The following NRXN3 variants were observed in gnomAD, a reference collection of about 807,000 sequenced individuals.
NRXN3 encodes the protein neurexin 3, also known as neurexin III.
NRXN3 carries 32 observed loss-of-function variants against 137.6 expected under a neutral mutation model. The ratio of observed to expected loss-of-function variants is 0.23; its 90% CI spans 0.18 to 0.31. NRXN3 has a LOEUF of 0.31. Ranked by LOEUF, NRXN3 falls within the 10% of genes least tolerant of loss-of-function variation. NRXN3 has a pLI of 1.00. For missense variants in NRXN3, 1,574 were observed against 2,062.5 expected, an observed-to-expected ratio of 0.76 and a Z score of 4.59; for synonymous variants, 798 against 784.5, an observed-to-expected ratio of 1.02 and a Z score of -0.29.
intron 15 of NRXN3, among the ~76,000 whole-genome samples, chr14:79,385,207 CCCCG>C (rs1327370468): frequency 1.0e-5 from 1 of 95,824 alleles, no homozygotes; most frequent in Non-Finnish European, 2.5e-5. Flanking sequence ...CTATCCTTCC[CCCCG>C]CCCCCACCCC....
intron 2 of NRXN3, among the ~76,000 whole-genome samples, chr14:78,274,012 G>A (rs2073196508): frequency 6.6e-6 from 1 of 152,228 alleles, no homozygotes; most frequent in South Asian, 2.1e-4. Context: ...GCTCCCCAGA[G>A]CTCTTCCAGA....
At chr14:78,327,546 C>T (rs1597373115) in intron 4 of NRXN3, among the ~76,000 whole-genome samples, 1 of 152,186 alleles carries the variant, frequency 6.6e-6, no homozygotes, top group Non-Finnish European at 1.5e-5. Context: ...CAACGCATTA[C>T]TTTATGGTAC....
Position 78,218,224 on chromosome 14 carries a change from G to A in NRXN3, c.-703-24167G>A, listed in dbSNP as rs141171086. Among the ~76,000 whole-genome samples, 569 of 152,194 alleles carry A rather than the reference G, an allele frequency of 3.7e-3. 4 individuals are homozygous for A. Among genetic ancestry groups the A allele is most frequent in the African/African-American group, 0.013 (548 of 41,534 alleles). ...AAAAAAAAGTTACCTAGGCGTGGTGGCGCACACCTGTAGTCTTAGCTACTT... is the reference window on the plus strand; with the variant it reads ...AAAAAAAAGTTACCTAGGCGTGGTGACGCACACCTGTAGTCTTAGCTACTT... On this transcript the variant is annotated intron_variant, in intron 1 of 20. Coordinates refer to ENST00000335750, the MANE Select transcript of NRXN3 (RefSeq NM_001330195.2).
intron 4 of NRXN3, among the ~76,000 whole-genome samples, chr14:78,631,825 G>A (rs1566934442): frequency 1.3e-5 from 2 of 152,094 alleles, no homozygotes; most frequent in Non-Finnish European, 2.9e-5. Flanking sequence ...CAATGTATCA[G>A]GCTCATGCCT....
At chr14:79,175,871 G>A (rs938579825) in intron 15 of NRXN3, among the ~76,000 whole-genome samples, 2 of 152,084 alleles carry the variant, frequency 1.3e-5, no homozygotes, top group African/African-American at 4.8e-5. Flanking sequence ...ACAAAACAGT[G>A]TTGTAGTCGT....
chr14:79,302,880 A>G (rs2085387032), intron 15 of NRXN3, among the ~76,000 whole-genome samples: 1 of 151,942 alleles, frequency 6.6e-6, no homozygotes, highest in South Asian at 2.1e-4. Context: ...AGTTCTTTAT[A>G]GCAGTGTGGA....
chr14:79,346,194 T>C lies in NRXN3; in HGVS notation c.3263-121027T>C, dbSNP rs550982563. 3.8e-3 allele frequency among the ~76,000 whole-genome samples: 571 copies of C among 152,176 alleles called. 7 individuals are homozygous for C. The highest frequency in any genetic ancestry group is 0.013 in the African/African-American group (535 of 41,506). Reference sequence around the variant, plus strand: ...CAGCACTTTGAGAGGCAGAGGAGGGTGGATTACCTGAGGTCAGGAGTCCCA... The same window carrying C: ...CAGCACTTTGAGAGGCAGAGGAGGGCGGATTACCTGAGGTCAGGAGTCCCA... On this transcript the variant is annotated intron_variant, in intron 15 of 20. Transcript: ENST00000335750.
intron 4 of NRXN3, among the ~76,000 whole-genome samples, chr14:78,551,119 G>A (rs1281736263): frequency 6.6e-6 from 1 of 152,178 alleles, no homozygotes; most frequent in Non-Finnish European, 1.5e-5. Context: ...AGAAGAGCAT[G>A]CATATGAATA....
At chr14:78,398,819 G>A (rs2153651904) in intron 4 of NRXN3, among the ~76,000 whole-genome samples, 1 of 152,272 alleles carries the variant, frequency 6.6e-6, no homozygotes, top group East Asian at 1.9e-4. Flanking sequence ...CCATGGAGGT[G>A]GAGGGTTTTG....
intron 15 of NRXN3, among the ~76,000 whole-genome samples, chr14:79,393,820 A>C (rs12434126): frequency 0.36 from 54,581 of 150,370 alleles, 9,979 homozygotes; most frequent in Admixed American, 0.41. Flanking sequence ...TCTCAAAAAA[A>C]CAAAAACAAA....
chr14:78,190,827 C>T (rs2060660782), intron 1 of NRXN3, among the ~76,000 whole-genome samples: 1 of 151,986 alleles, frequency 6.6e-6, no homozygotes, highest in Non-Finnish European at 1.5e-5. Flanking sequence ...GTGCCCACCA[C>T]CACACCTGGC....
chr14:78,568,902 G>A (rs2096861251), intron 4 of NRXN3, among the ~76,000 whole-genome samples: 1 of 150,782 alleles, frequency 6.6e-6, no homozygotes, highest in African/African-American at 2.4e-5. Flanking sequence ...GTAGATAGCT[G>A]TGCTCTTCCC....
intron 10 of NRXN3, among the ~76,000 whole-genome samples, chr14:78,938,021 G>A (rs1392190293): frequency 2.0e-5 from 3 of 152,222 alleles, no homozygotes; most frequent in Admixed American, 1.3e-4. Flanking sequence ...TGGCATCCAG[G>A]TAGGCTGTTG....
intron 3 of NRXN3, among the ~76,000 whole-genome samples, chr14:78,291,527 G>T (rs2075803973): frequency 1.3e-5 from 2 of 152,138 alleles, no homozygotes; most frequent in Admixed American, 1.3e-4. Flanking sequence ...TCTTTAAAAT[G>T]CAAATTGAAC....
chr14:78,853,063 C>G (rs1264662985), intron 10 of NRXN3, among the ~76,000 whole-genome samples: 1 of 151,826 alleles, frequency 6.6e-6, no homozygotes, highest in African/African-American at 2.4e-5. Context: ...ATACATGTAT[C>G]ATACGGTTTT....
At chr14:78,230,170 A>G (rs898523768) in intron 1 of NRXN3, among the ~76,000 whole-genome samples, 1 of 152,054 alleles carries the variant, frequency 6.6e-6, no homozygotes, top group Non-Finnish European at 1.5e-5. Flanking sequence ...AACTACAGGC[A>G]TGAGCCACCA....
chr14:78,686,993 C>A (rs1001410473), intron 6 of NRXN3, among the ~76,000 whole-genome samples: 3 of 151,930 alleles, frequency 2.0e-5, no homozygotes, highest in African/African-American at 7.3e-5. Flanking sequence ...GGTATAAATG[C>A]TATGAGGAGA....
chr14:79,299,767 C>A (rs888918486), intron 15 of NRXN3, among the ~76,000 whole-genome samples: 3 of 151,988 alleles, frequency 2.0e-5, no homozygotes, highest in Non-Finnish European at 4.4e-5. Flanking sequence ...TCAAAAGATA[C>A]CTAGATGGAG....
intron 15 of NRXN3, among the ~76,000 whole-genome samples, chr14:79,269,497 T>A (rs1462254099): frequency 6.6e-6 from 1 of 152,190 alleles, no homozygotes; most frequent in Non-Finnish European, 1.5e-5. Context: ...ATCCTAGGTA[T>A]CTCCTGAATA....
Sources: gnomAD v4.1 joint callset for allele counts (sites outside exome capture counted in the v4.1 genomes callset) on GRCh38, gnomAD v4.1.1 for gene constraint, MANE v1.5 for transcripts, NCBI Gene and HGNC (gene_info 2026-07-23, HGNC 2026-07-21) for gene names.